Variants in ZSWIM6 observed in about 807,000 individuals in gnomAD.
ZSWIM6 encodes the protein zinc finger SWIM-type containing 6, also known as zinc finger SWIM domain-containing protein 6.
ZSWIM6 carries 9 observed loss-of-function variants against 113.2 expected under a neutral mutation model. That is an observed-to-expected ratio of 0.08 (90% CI 0.05 to 0.14). The LOEUF is 0.14. Among genes scored for constraint, ZSWIM6 ranks in the 10% least tolerant of loss-of-function variants. The pLI is 1.00. For missense variants in ZSWIM6, 1,162 were observed against 1,552.2 expected, an observed-to-expected ratio of 0.75 and a Z score of 4.22; for synonymous variants, 611 against 606.5, an observed-to-expected ratio of 1.01 and a Z score of -0.11.
At chr5:61,393,317 A>T (rs1015606601) in intron 1 of ZSWIM6, among the ~76,000 whole-genome samples, 1 of 151,996 alleles carries the variant, frequency 6.6e-6, no homozygotes, top group Non-Finnish European at 1.5e-5. Context: ...AAGTGCTGGG[A>T]CCACAGGCGT....
chr5:61,492,674 A>C (rs994052559), intron 3 of ZSWIM6, among the ~76,000 whole-genome samples: 1 of 152,128 alleles, frequency 6.6e-6, no homozygotes, highest in Non-Finnish European at 1.5e-5. Flanking sequence ...ATTGGGAACA[A>C]ACTCCTTTAT....
Position 61,525,819 on chromosome 5 carries a change from T to C in ZSWIM6, c.1533T>C (p.His511=). 6.4e-7 allele frequency: 1 copy of C among 1,551,684 alleles called. No homozygotes were observed. The highest frequency in any genetic ancestry group is 8.7e-7 in the Non-Finnish European group (1 of 1,146,972). ...NANQDSSNRP[H]RTVFTRAIEA... ...AAACAGATTCATCGAACAGGCCACA[T>C]CGGACAGTGTTCACCCGAGCCATCG... is the stretch of plus-strand genomic sequence containing the variant. Residue 511 remains histidine, a synonymous_variant, in exon 6 of 14, where the codon CAT becomes CAC. Coordinates refer to ENST00000252744, the MANE Select transcript of ZSWIM6 (RefSeq NM_020928.2).
At chr5:61,512,435 A>C (rs1748814000) in intron 4 of ZSWIM6, among the ~76,000 whole-genome samples, 1 of 152,128 alleles carries the variant, frequency 6.6e-6, no homozygotes, top group Non-Finnish European at 1.5e-5. Flanking sequence ...ATTCTTGTAC[A>C]AGTTTTTGTG....
At chr5:61,333,333 C>T (rs1416546270) in intron 1 of ZSWIM6, among the ~76,000 whole-genome samples, 1 of 151,278 alleles carries the variant, frequency 6.6e-6, no homozygotes, top group Non-Finnish European at 1.5e-5. Context: ...GTGTGTGTGG[C>T]GGGGCTGTGC....
intron 8 of ZSWIM6, among the ~76,000 whole-genome samples, chr5:61,530,986 G>A (rs1256874254): frequency 1.3e-5 from 2 of 152,148 alleles, no homozygotes; most frequent in Non-Finnish European, 2.9e-5. Context: ...AATGTTCAAA[G>A]AATCATTCCT....
chr5:61,543,917 G>A lies in ZSWIM6; in HGVS notation c.3248G>A (p.Gly1083Asp). ...LWACALSHSL[G>D]KNELAAIIPL... The stretch of plus-strand genomic sequence containing the variant: ...GCCTGTGCGCTTAGCCACTCCCTTG[G>A]TAAAAATGAGCTTGCAGCTATAATA... The change falls in exon 14 of 14, where the codon GGT (glycine) becomes GAT (aspartate). Residue 1083 changes from glycine (G) to aspartate (D), a missense_variant. Physicochemically the swap from Gly to Asp is moderately conservative, Grantham distance 94 (BLOSUM62 -1). Transcript: ENST00000252744. The surrounding 1 kb of genome is among the most constrained non-coding windows in gnomAD (Gnocchi z 4.3). 1.3e-6 allele frequency: 2 copies of A among 1,551,808 alleles called. No homozygotes were observed. The highest frequency in any genetic ancestry group is 1.7e-6 in the Non-Finnish European group (2 of 1,147,002).
At chr5:61,349,277 T>A (rs1744735161) in intron 1 of ZSWIM6, among the ~76,000 whole-genome samples, 1 of 152,124 alleles carries the variant, frequency 6.6e-6, no homozygotes, top group Admixed American at 6.5e-5. Context: ...TGAAAAAAAA[T>A]TCTGGCAAAT....
At chr5:61,445,442 C>T (rs906435798) in intron 1 of ZSWIM6, among the ~76,000 whole-genome samples, 3 of 152,116 alleles carry the variant, frequency 2.0e-5, no homozygotes, top group Non-Finnish European at 4.4e-5. Flanking sequence ...ATCAGTGCAA[C>T]ATTTGTATAT....
intron 1 of ZSWIM6, among the ~76,000 whole-genome samples, chr5:61,348,608 T>C (rs2112036376): frequency 6.6e-6 from 1 of 152,314 alleles, no homozygotes; most frequent in Non-Finnish European, 1.5e-5. Flanking sequence ...GTTTAAAAAT[T>C]TATGAGTTGC....
intron 1 of ZSWIM6, among the ~76,000 whole-genome samples, chr5:61,449,559 A>G (rs1747040997): frequency 6.6e-6 from 1 of 152,120 alleles, no homozygotes; most frequent in African/African-American, 2.4e-5. Context: ...TTAACAGCCT[A>G]GGTTTGAATA....
intron 4 of ZSWIM6, among the ~76,000 whole-genome samples, chr5:61,501,098 T>G (rs947439958): frequency 1.3e-5 from 2 of 152,212 alleles, no homozygotes; most frequent in African/African-American, 4.8e-5. Context: ...TCCAGCACTG[T>G]TCTCAGAAGG....
intron 1 of ZSWIM6, chr5:61,391,687 C>T: frequency 5.4e-6 from 6 of 1,113,042 alleles, no homozygotes; most frequent in Non-Finnish European, 8.3e-6. Flanking sequence ...GGATCCTGGC[C>T]TGTCGACTTC....
chr5:61,389,416 ATGG>A (rs559323703), intron 1 of ZSWIM6, among the ~76,000 whole-genome samples: 157 of 151,820 alleles, frequency 1.0e-3, no homozygotes, highest in African/African-American at 3.6e-3. Flanking sequence ...TTAGCTGGGC[ATGG>A]TGGTGGGTGC....
chr5:61,341,224 G>C (rs1744538000), intron 1 of ZSWIM6, among the ~76,000 whole-genome samples: 1 of 101,626 alleles, frequency 9.8e-6, no homozygotes, highest in Non-Finnish European at 1.9e-5. Flanking sequence ...GGGTGTGTGT[G>C]AGTGTGCCCT....
intron 1 of ZSWIM6, among the ~76,000 whole-genome samples, chr5:61,399,597 G>A (rs919609026): frequency 3.3e-5 from 5 of 152,178 alleles, no homozygotes; most frequent in African/African-American, 9.7e-5. Context: ...TCTTAGTGGG[G>A]ACACATGTAC....
intron 1 of ZSWIM6, among the ~76,000 whole-genome samples, chr5:61,464,464 A>ATCAG (rs1747388684): frequency 6.6e-6 from 1 of 152,212 alleles, no homozygotes; most frequent in East Asian, 1.9e-4. Context: ...CCTAGAGAAC[A>ATCAG]TCAGTTTCTT....
chr5:61,543,520 A>C lies in ZSWIM6; in HGVS notation c.2851A>C (p.Ser951Arg). The change falls in exon 14 of 14, where the codon AGT becomes CGT. Residue 951 changes from serine (S) to arginine (R), a missense_variant. Ser to Arg is a moderately radical substitution (Grantham distance 110, BLOSUM62 -1). This residue lies in a region of ZSWIM6 where 620 missense variants were observed against 804.6 expected (regional missense o/e 0.77). Coordinates refer to ENST00000252744, the MANE Select transcript of ZSWIM6 (RefSeq NM_020928.2). The surrounding 1 kb of genome is among the most constrained non-coding windows in gnomAD (Gnocchi z 4.3). The part of the protein sequence containing the change: ...FTLFTPTEAT[S>R]IVATTVMSNS... ...ACTCTTTACTCCCACCGAGGCCACAAGTATAGTTGCAACTACCGTGATGTC... is the reference window on the plus strand; with the variant it reads ...ACTCTTTACTCCCACCGAGGCCACACGTATAGTTGCAACTACCGTGATGTC... The C allele has an allele frequency of 6.4e-7, 1 of 1,551,488 alleles. No individual in the cohort carries two copies. The highest frequency in any genetic ancestry group is 8.7e-7 in the Non-Finnish European group (1 of 1,146,966).
At chr5:61,479,746 C>T (rs1053233566) in intron 2 of ZSWIM6, among the ~76,000 whole-genome samples, 13 of 152,246 alleles carry the variant, frequency 8.5e-5, no homozygotes, top group Non-Finnish European at 1.5e-4. Context: ...GTCTTCAGGC[C>T]TCAGTTTTCT....
At chr5:61,388,122 C>A (rs1030988208) in intron 1 of ZSWIM6, among the ~76,000 whole-genome samples, 1 of 151,134 alleles carries the variant, frequency 6.6e-6, no homozygotes, top group Non-Finnish European at 1.5e-5. Flanking sequence ...AGCTGGGATT[C>A]CAGACACCCA....
Sources: gnomAD v4.1 joint callset for allele counts (sites outside exome capture counted in the v4.1 genomes callset) on GRCh38, gnomAD v4.1.1 for gene constraint, gnomAD v4.1.1 regional missense constraint, Gnocchi (gnomAD v3.1) non-coding constraint, MANE v1.5 for transcripts, NCBI Gene and HGNC (gene_info 2026-07-23, HGNC 2026-07-21) for gene names.